MEF2C: variants seen among roughly 807,000 people sequenced by gnomAD.
MEF2C encodes the protein myocyte enhancer factor 2C.
A neutral mutation model predicts 50.5 loss-of-function variants in MEF2C; 6 were observed. The observed-to-expected ratio is 0.12, with a 90% CI of 0.07 to 0.23. MEF2C has a LOEUF of 0.23. Ranked by LOEUF, MEF2C falls within the 10% of genes least tolerant of loss-of-function variation. MEF2C has a pLI of 1.00. For missense variants in MEF2C, 276 were observed against 605.0 expected (o/e 0.46, Z 5.70); for synonymous variants, 183 against 228.0 (o/e 0.80, Z 1.78).
chr5:88,882,479 C>G (rs1833223651), intron 1 of MEF2C, among the ~76,000 whole-genome samples: 1 of 152,182 alleles, frequency 6.6e-6, no homozygotes, highest in Non-Finnish European at 1.5e-5. Context: ...TCAAACTAAT[C>G]CCAAGAATTA....
At chr5:88,846,866 G>A (rs1819545184) in intron 1 of MEF2C, among the ~76,000 whole-genome samples, 3 of 152,210 alleles carry the variant, frequency 2.0e-5, no homozygotes, top group African/African-American at 7.2e-5. Flanking sequence ...TGGCAGGAAA[G>A]AGGTTTTAAA....
rs1756812909 is a variant in MEF2C at position 88,722,815 on chromosome 5, G to T, written c.1211C>A (p.Thr404Asn). The stretch of plus-strand genomic sequence containing the variant: ...CGTGTGTTGTGGGTATCTCGAAGGG[G>T]TGGTGGTACGGTCTCTAGGAGGAGA... ...PVSPPRDRTT[T>N]PSRYPQHTRH... Residue 404 changes from threonine to asparagine, a missense_variant, in exon 11 of 11, where the codon ACC becomes AAC. Physicochemically the swap from Thr to Asn is moderately conservative, Grantham distance 65 (BLOSUM62 0). Coordinates refer to ENST00000504921, the MANE Select transcript of MEF2C (RefSeq NM_002397.5). 6.2e-7 allele frequency: 1 copy of T among 1,614,034 alleles called. No homozygotes were observed. The highest frequency in any genetic ancestry group is 1.1e-5 in the South Asian group (1 of 91,086).
At chr5:88,902,324 A>G (rs1835750645) in intron 1 of MEF2C, among the ~76,000 whole-genome samples, 1 of 151,930 alleles carries the variant, frequency 6.6e-6, no homozygotes, top group African/African-American at 2.4e-5. Context: ...TGAAATCGCA[A>G]TAAATACACA....
chr5:88,898,538 G>A (rs1336318731), intron 1 of MEF2C, among the ~76,000 whole-genome samples: 2 of 152,084 alleles, frequency 1.3e-5, no homozygotes, highest in Non-Finnish European at 2.9e-5. Flanking sequence ...GAGGAATGTG[G>A]CTTCTCTGTA....
At chr5:88,897,486 A>G (rs1416686364) in intron 1 of MEF2C, among the ~76,000 whole-genome samples, 2 of 152,218 alleles carry the variant, frequency 1.3e-5, no homozygotes, top group African/African-American at 4.8e-5. Flanking sequence ...ACACTCTCAT[A>G]CGTTCCATAA....
intron 3 of MEF2C, among the ~76,000 whole-genome samples, chr5:88,762,790 G>A (rs959670660): frequency 8.5e-5 from 13 of 152,094 alleles, no homozygotes; most frequent in African/African-American, 3.1e-4. Flanking sequence ...TTAATGGAAA[G>A]TTCAGCAGAG....
chr5:88,833,727 A>C (rs1239362485), intron 1 of MEF2C, among the ~76,000 whole-genome samples: 1 of 152,218 alleles, frequency 6.6e-6, no homozygotes, highest in Non-Finnish European at 1.5e-5. Context: ...GCATTTAAAA[A>C]AGAAATCTCA....
In MEF2C at chr5:88,823,790, G is replaced by T. The variant is rs1378865723; in HGVS notation, c.-2C>A. 2.5e-6 allele frequency: 4 copies of T among 1,608,188 alleles called. No homozygotes were observed. The highest frequency in any genetic ancestry group is 3.4e-6 in the Non-Finnish European group (4 of 1,176,628). ...AATCTGAATCTTTTTTCTCCCCATA[G>T]TCCCCGTTTTTCTTCTCTCTCTCGT... is the stretch of plus-strand genomic sequence containing the variant. On this transcript the variant is annotated 5_prime_UTR_variant, in exon 2 of 11. Coordinates refer to ENST00000504921, the MANE Select transcript of MEF2C (RefSeq NM_002397.5).
chr5:88,729,868 TTACAG>T (rs1581352913), intron 8 of MEF2C, among the ~76,000 whole-genome samples: 1 of 152,082 alleles, frequency 6.6e-6, no homozygotes, highest in East Asian at 1.9e-4. Context: ...ATTTAACTCA[TTACAG>T]TAAAGAGATA....
chr5:88,880,831 T>G (rs866534491), intron 1 of MEF2C: 1 of 152,072 alleles, frequency 6.6e-6, no homozygotes, highest in African/African-American at 2.4e-5. Context: ...TTTTAAAATA[T>G]GAATAGCTCA....
chr5:88,861,962 C>T (rs544387295), intron 1 of MEF2C, among the ~76,000 whole-genome samples: 1 of 152,314 alleles, frequency 6.6e-6, no homozygotes, highest in Admixed American at 6.5e-5. Context: ...TCTTTCACAA[C>T]TAATTTATTT....
chr5:88,864,538 A>G (rs1826615597), intron 1 of MEF2C, among the ~76,000 whole-genome samples: 1 of 151,000 alleles, frequency 6.6e-6, no homozygotes, highest in South Asian at 2.1e-4. Context: ...TTATAAATAC[A>G]CATAAATATA....
intron 1 of MEF2C, among the ~76,000 whole-genome samples, chr5:88,858,279 T>C (rs1278808599): frequency 6.6e-6 from 1 of 152,168 alleles, no homozygotes; most frequent in Non-Finnish European, 1.5e-5. Context: ...TTTTCCTGTC[T>C]CTCATATAGG....
intron 1 of MEF2C, among the ~76,000 whole-genome samples, chr5:88,897,438 A>C (rs1246492891): frequency 6.6e-6 from 1 of 152,200 alleles, no homozygotes; most frequent in Admixed American, 6.6e-5. Flanking sequence ...AGTGATGATT[A>C]ACTGAGCATT....
Position 88,751,959 on chromosome 5 carries a change from A to G in MEF2C, c.487T>C (p.Ser163Pro). ...GGCAATAGGTTGGGGTTTCCCAGTG[A>G]GCTGACAGGGTTGCTGTACACCAAA... ...NSLVYSNPVS[S>P]LGNPNLLPLA... The change falls in exon 5 of 11, where the codon TCA becomes CCA. Residue 163 changes from serine to proline, a missense_variant. This residue lies in a region of MEF2C where 256 missense variants were observed against 468.1 expected (regional missense o/e 0.55). Coordinates refer to ENST00000504921, the MANE Select transcript of MEF2C (RefSeq NM_002397.5). The G allele has an allele frequency of 6.2e-7, 1 of 1,614,008 alleles. No individual in the cohort carries two copies. Among genetic ancestry groups the G allele is most frequent in the Non-Finnish European group, 8.5e-7 (1 of 1,179,878 alleles).
chr5:88,853,831 C>T (rs72773815), intron 1 of MEF2C, among the ~76,000 whole-genome samples: 4,592 of 152,214 alleles, frequency 0.03, 92 homozygotes, highest in Non-Finnish European at 0.048. Flanking sequence ...TACATGAATG[C>T]TTTGGATAAA....
Position 88,722,891 on chromosome 5 carries a change from T to G in MEF2C, c.1135A>C (p.Asn379His). 2 of 1,612,010 alleles carry G rather than the reference T, an allele frequency of 1.2e-6. No homozygotes were observed. Among genetic ancestry groups the G allele is most frequent in the Non-Finnish European group, 1.7e-6 (2 of 1,178,516 alleles). ...CTSTHLSQSS[N>H]LSLPSTQSLN... ...CTTTGAGTAGAAGGCAGGGAGAGAT[T>G]TGAACTCTGAGATAAATGAGTGCTA... Residue 379 changes from asparagine to histidine, a missense_variant, in exon 11 of 11, where the codon AAT (asparagine) becomes CAT (histidine). This residue lies in a region of MEF2C where 256 missense variants were observed against 468.1 expected (regional missense o/e 0.55). Coordinates refer to ENST00000504921, the MANE Select transcript of MEF2C (RefSeq NM_002397.5).
intron 1 of MEF2C, among the ~76,000 whole-genome samples, chr5:88,858,347 G>A (rs1030373810): frequency 6.6e-6 from 1 of 152,042 alleles, no homozygotes; most frequent in Non-Finnish European, 1.5e-5. Flanking sequence ...GTCATTTCAG[G>A]GGACCCTTAA....
At chr5:88,894,818 T>C (rs556793749) in intron 1 of MEF2C, among the ~76,000 whole-genome samples, 4 of 152,334 alleles carry the variant, frequency 2.6e-5, no homozygotes, top group South Asian at 4.1e-4. Context: ...TTAATAGTTA[T>C]AGATCATGTA....
Sources: gnomAD v4.1 joint callset for allele counts (sites outside exome capture counted in the v4.1 genomes callset) on GRCh38, gnomAD v4.1.1 for gene constraint, gnomAD v4.1.1 regional missense constraint, MANE v1.5 for transcripts, NCBI Gene and HGNC (gene_info 2026-07-23, HGNC 2026-07-21) for gene names.